The following FGD4 variants were observed in gnomAD, a reference collection of about 807,000 sequenced individuals.
The protein encoded by FGD4 is FYVE, RhoGEF and PH domain-containing protein 4.
In FGD4, 42 loss-of-function variants were observed where a neutral mutation model predicts 102.0. The observed-to-expected ratio is 0.41, with a 90% CI of 0.32 to 0.53. FGD4 has a LOEUF of 0.53. FGD4 is among the 20% of genes least tolerant of loss of function. The probability of loss-of-function intolerance (pLI) is 0.21; values close to 1 mark genes in which losing one functional copy is unlikely to be tolerated. For missense variants in FGD4, 902 were observed against 1,078.2 expected, an observed-to-expected ratio of 0.84 and a Z score of 2.29; for synonymous variants, 380 against 375.7, an observed-to-expected ratio of 1.01 and a Z score of -0.13.
At chr12:32,444,021 C>CTTT (rs67353121) in intron 1 of FGD4, among the ~76,000 whole-genome samples, 30 of 119,104 alleles carry the variant, frequency 2.5e-4, no homozygotes, top group Non-Finnish European at 4.3e-4. Context: ...ACTTTGTTTT[C>CTTT]TTTTTTTTTT....
intron 1 of FGD4, among the ~76,000 whole-genome samples, chr12:32,441,496 A>G (rs1942433641): frequency 6.6e-6 from 1 of 151,902 alleles, no homozygotes; most frequent in Non-Finnish European, 1.5e-5. Flanking sequence ...GACTCTGACT[A>G]CGGTGCCCTT....
chr12:32,498,468 C>T (rs574316333), intron 1 of FGD4, among the ~76,000 whole-genome samples: 3 of 152,294 alleles, frequency 2.0e-5, no homozygotes, highest in Non-Finnish European at 1.5e-5. Flanking sequence ...TGGCAGGGTA[C>T]ACCCACATCC....
At chr12:32,536,875 G>A (rs1186583436) in intron 1 of FGD4, among the ~76,000 whole-genome samples, 1 of 151,382 alleles carries the variant, frequency 6.6e-6, no homozygotes, top group East Asian at 1.9e-4. Flanking sequence ...CTGTGGTCTT[G>A]TCTTTTCCAT....
At chr12:32,620,115 T>G (rs1441548224) in intron 11 of FGD4, among the ~76,000 whole-genome samples, 1 of 152,162 alleles carries the variant, frequency 6.6e-6, no homozygotes, top group Admixed American at 6.5e-5. Context: ...GATTAACTCT[T>G]CAGAAATACA....
intron 10 of FGD4, among the ~76,000 whole-genome samples, chr12:32,614,504 A>T (rs1949335182): frequency 1.3e-5 from 2 of 152,220 alleles, no homozygotes; most frequent in Admixed American, 6.5e-5. Context: ...TCTGCTTATT[A>T]TGAGATGACT....
chr12:32,635,483 C>A (rs1390262376), intron 15 of FGD4, among the ~76,000 whole-genome samples: 1 of 152,102 alleles, frequency 6.6e-6, no homozygotes, highest in Admixed American at 6.5e-5. Flanking sequence ...CAAGTATGTA[C>A]ATGGACACAT....
At chr12:32,540,690 C>T (rs1192695553) in intron 1 of FGD4, among the ~76,000 whole-genome samples, 1 of 151,926 alleles carries the variant, frequency 6.6e-6, no homozygotes, top group East Asian at 1.9e-4. Flanking sequence ...CTCAGCCTCC[C>T]GAGTAGCTGG....
chr12:32,624,298 A>C lies in FGD4; in HGVS notation c.1923-124A>C. 3 of 750,144 alleles carry C rather than the reference A, an allele frequency of 4.0e-6. No individual in the cohort carries two copies. In the South Asian group the frequency reaches 5.2e-5, roughly 13 times the overall value. 46.5% of individuals were successfully genotyped at this position (750,144 alleles called of 1,614,324 possible). A position where few individuals can be genotyped will look rare whatever the true frequency, so the allele number is the denominator to read the frequency against. On this transcript the variant is annotated intron_variant, in intron 11 of 16. Transcript: ENST00000534526. ...TAATTGCCAGAGATTAATTTTTGTT[A>C]TAATTCCTTCCATAACATCCCTGAA...
At chr12:32,459,730 C>T (rs1267069001) in intron 1 of FGD4, among the ~76,000 whole-genome samples, 1 of 151,162 alleles carries the variant, frequency 6.6e-6, no homozygotes, top group Non-Finnish European at 1.5e-5. Context: ...GACAGGGCCT[C>T]ACTCTGTTGT....
At chr12:32,579,996 G>C (rs956327684) in intron 3 of FGD4, among the ~76,000 whole-genome samples, 47 of 152,178 alleles carry the variant, frequency 3.1e-4, no homozygotes, top group Non-Finnish European at 1.0e-4. Context: ...GCTGCTTGCT[G>C]TTTCCTTCCC....
At chr12:32,478,531 G>C (rs1039580392) in intron 1 of FGD4, among the ~76,000 whole-genome samples, 1 of 152,200 alleles carries the variant, frequency 6.6e-6, no homozygotes, top group Non-Finnish European at 1.5e-5. Context: ...CTCGCAAAGT[G>C]CTGGGCTTAC....
intron 1 of FGD4, among the ~76,000 whole-genome samples, chr12:32,454,182 TC>T (rs1942889263): frequency 6.6e-6 from 1 of 152,204 alleles, no homozygotes; most frequent in Admixed American, 6.5e-5. Context: ...TTCTCTGTGT[TC>T]CAGGAGCAGA....
chr12:32,626,148 A>G (rs1233408849), intron 14 of FGD4, among the ~76,000 whole-genome samples: 1 of 152,222 alleles, frequency 6.6e-6, no homozygotes, highest in South Asian at 2.1e-4. Flanking sequence ...TTGATGCTTA[A>G]AAGATTGAGA....
At chr12:32,534,221 C>A (rs767922758) in intron 1 of FGD4, 2 of 1,020,904 alleles carry the variant, frequency 2.0e-6, no homozygotes, top group African/African-American at 3.3e-5. Flanking sequence ...CATACACTCC[C>A]TCTCATGCAA....
chr12:32,428,083 G>C (rs1371230952), intron 1 of FGD4, among the ~76,000 whole-genome samples: 1 of 152,146 alleles, frequency 6.6e-6, no homozygotes, highest in African/African-American at 2.4e-5. Flanking sequence ...GTATTGTTAT[G>C]TGTGAATTTG....
chr12:32,498,762 C>A (rs1027707949), intron 1 of FGD4, among the ~76,000 whole-genome samples: 1 of 152,112 alleles, frequency 6.6e-6, no homozygotes, highest in African/African-American at 2.4e-5. Context: ...ACCACCATGC[C>A]CAGCTAATTT....
chr12:32,483,337 G>A (rs1943812867), intron 1 of FGD4, among the ~76,000 whole-genome samples: 1 of 152,100 alleles, frequency 6.6e-6, no homozygotes, highest in Non-Finnish European at 1.5e-5. Flanking sequence ...ACACATCTAT[G>A]GGTGCAATTT....
chr12:32,521,025 T>C (rs1940483674), intron 1 of FGD4, among the ~76,000 whole-genome samples: 1 of 152,154 alleles, frequency 6.6e-6, no homozygotes, highest in Non-Finnish European at 1.5e-5. Flanking sequence ...CTGTATAAAG[T>C]GTTTGAAAAC....
In FGD4 at chr12:32,491,018, T is replaced by A. The variant is rs552387624; in HGVS notation, c.167-73119T>A. ...CAGTCTACAATACAGTTCACCAGTG[T>A]GGAGACCTTTTGCCCTGCCTGATTT... On this transcript the variant is annotated intron_variant, in intron 1 of 16. Coordinates refer to ENST00000534526, the MANE Select transcript of FGD4 (RefSeq NM_001370298.3). 2.6e-5 allele frequency among the ~76,000 whole-genome samples: 4 copies of A among 152,068 alleles called. No individual in the cohort carries two copies. The South Asian group carries it at 8.3e-4, about 32-fold the overall frequency.
Sources: allele counts gnomAD v4.1 joint callset (sites outside exome capture counted in the v4.1 genomes callset), GRCh38; gene constraint gnomAD v4.1.1; transcripts MANE v1.5; gene names NCBI Gene and HGNC (gene_info 2026-07-23, HGNC 2026-07-21).